The following PDE1C variants were observed in gnomAD, a reference collection of about 807,000 sequenced individuals.
PDE1C encodes phosphodiesterase 1C, also known as dual specificity calcium/calmodulin-dependent 3',5'-cyclic nucleotide phosphodiesterase 1C.
In PDE1C, 62 loss-of-function variants were observed where a neutral mutation model predicts 93.1. The ratio of observed to expected loss-of-function variants is 0.67; its 90% CI spans 0.54 to 0.82. PDE1C has a LOEUF of 0.82. Ranked by LOEUF, PDE1C falls within the 40% of genes least tolerant of loss-of-function variation. The pLI, the probability that PDE1C is intolerant of heterozygous loss-of-function variation, is 0.00. For synonymous variants in PDE1C, 325 were observed against 310.1 expected, an observed-to-expected ratio of 1.05 and a Z score of -0.50; for missense variants, 742 against 884.6, an observed-to-expected ratio of 0.84 and a Z score of 2.04.
intron 1 of PDE1C, among the ~76,000 whole-genome samples, chr7:32,239,408 C>A (rs1808380445): frequency 3.3e-5 from 5 of 151,982 alleles, no homozygotes; most frequent in Admixed American, 3.3e-4. Flanking sequence ...AAAAGAAAAT[C>A]CATAAACAAA....
At chr7:31,743,812 T>C in the PDE1C span, among the ~76,000 whole-genome samples, 2 of 152,134 alleles carry the variant, frequency 1.3e-5, no homozygotes, top group African/African-American at 4.8e-5. Flanking sequence ...AGTTCAGTAA[T>C]TTAATTGGAG....
chr7:32,098,633 T>G (rs1041239336), intron 3 of PDE1C, among the ~76,000 whole-genome samples: 1 of 152,244 alleles, frequency 6.6e-6, no homozygotes, highest in Non-Finnish European at 1.5e-5. Context: ...CTCTTTTTAC[T>G]TTATTACGTT....
intron 16 of PDE1C, chr7:31,789,034 C>T (rs962485371): frequency 3.3e-5 from 5 of 152,134 alleles, no homozygotes; most frequent in African/African-American, 1.2e-4. Flanking sequence ...AAACCTATTG[C>T]CTAGCTCTCT....
chr7:32,037,091 A>T (rs1205281866), intron 2 of PDE1C, among the ~76,000 whole-genome samples: 2 of 152,190 alleles, frequency 1.3e-5, no homozygotes, highest in Non-Finnish European at 2.9e-5. Flanking sequence ...GAGAAAATTT[A>T]AAAAGGGGGG....
At chr7:32,425,196 C>T (rs994638289) in intron 1 of PDE1C, among the ~76,000 whole-genome samples, 12 of 151,966 alleles carry the variant, frequency 7.9e-5, no homozygotes, top group African/African-American at 2.4e-4. Context: ...CTAGTTTACT[C>T]CCAGGTTCTC....
At chr7:32,007,332 C>T (rs1483842631) in intron 2 of PDE1C, among the ~76,000 whole-genome samples, 1 of 152,186 alleles carries the variant, frequency 6.6e-6, no homozygotes, top group Non-Finnish European at 1.5e-5. Flanking sequence ...AGCACGTCTA[C>T]CACACTGGCC....
At chr7:31,834,756 G>A (rs568676336) in intron 11 of PDE1C, among the ~76,000 whole-genome samples, 23 of 152,150 alleles carry the variant, frequency 1.5e-4, no homozygotes, top group African/African-American at 5.1e-4. Flanking sequence ...ACTTCGAACT[G>A]TGGACTTTTG....
chr7:31,794,671 A>T (rs1211959431), intron 16 of PDE1C, among the ~76,000 whole-genome samples: 2 of 152,012 alleles, frequency 1.3e-5, no homozygotes, highest in East Asian at 3.9e-4. Flanking sequence ...AAAGTCAGGC[A>T]TCAGTAACTC....
the PDE1C span, among the ~76,000 whole-genome samples, chr7:31,640,137 G>A: frequency 4.6e-5 from 7 of 152,244 alleles, no homozygotes; most frequent in African/African-American, 7.2e-5. Flanking sequence ...CCAGAGCAGC[G>A]GTCATTCTAA....
chr7:32,109,816 G>A (rs564790002), intron 3 of PDE1C, among the ~76,000 whole-genome samples: 1 of 152,000 alleles, frequency 6.6e-6, no homozygotes, highest in South Asian at 2.1e-4. Context: ...GGGCCTCTGA[G>A]GTGTCTTTAA....
intron 1 of PDE1C, among the ~76,000 whole-genome samples, chr7:32,226,459 G>T (rs1434238146): frequency 2.6e-5 from 4 of 152,306 alleles, no homozygotes; most frequent in Non-Finnish European, 5.9e-5. Context: ...CATCTTCAGG[G>T]TCTGTTTTTA....
chr7:31,722,950 C>G, the PDE1C span, among the ~76,000 whole-genome samples: 1 of 152,110 alleles, frequency 6.6e-6, no homozygotes, highest in Non-Finnish European at 1.5e-5. Context: ...TATCTTCATC[C>G]TTTTCTTGTG....
At chr7:31,626,422 A>G in the PDE1C span, among the ~76,000 whole-genome samples, 7 of 152,338 alleles carry the variant, frequency 4.6e-5, no homozygotes, top group East Asian at 1.3e-3. Context: ...AATTATCATA[A>G]TTAATCTGGT....
intron 3 of PDE1C, among the ~76,000 whole-genome samples, chr7:32,098,178 C>A (rs370947576): frequency 7.4e-6 from 1 of 135,264 alleles, no homozygotes; most frequent in Non-Finnish European, 1.5e-5. Context: ...TGCAGTGAGC[C>A]GAGATCGCGC....
intron 3 of PDE1C, among the ~76,000 whole-genome samples, chr7:32,113,720 T>C (rs1324254788): frequency 6.6e-6 from 1 of 152,062 alleles, no homozygotes; most frequent in Non-Finnish European, 1.5e-5. Context: ...AGATGGTATA[T>C]TTTCTGAGAA....
intron 1 of PDE1C, among the ~76,000 whole-genome samples, chr7:32,417,640 T>A (rs1465201356): frequency 6.7e-6 from 1 of 149,542 alleles, no homozygotes; most frequent in Admixed American, 6.7e-5. Context: ...AAAGTTCTAT[T>A]TTTTTTTTGG....
chr7:32,374,216 AAGG>A (rs1562695893), intron 1 of PDE1C, among the ~76,000 whole-genome samples: 11 of 137,862 alleles, frequency 8.0e-5, no homozygotes, highest in African/African-American at 2.0e-4. Context: ...GAGGGAAAGA[AAGG>A]GAAAGAAAGA....
In PDE1C at chr7:32,315,468, T is replaced by C. The variant is rs113421514; in HGVS notation, c.311-105929A>G. On this transcript the variant is annotated intron_variant, in intron 1 of 1. Transcript: ENST00000672256. ...TGATTATATTCCAGTGCTGGGATTA[T>C]AGGTTACTTGGTTTCCCAAAGCCAG... 3.1e-3 allele frequency among the ~76,000 whole-genome samples: 465 copies of C among 152,282 alleles called. 3 individuals carry two copies. The highest frequency in any genetic ancestry group is 0.011 in the African/African-American group (442 of 41,564).
intron 3 of PDE1C, among the ~76,000 whole-genome samples, chr7:32,118,760 C>T (rs558518112): frequency 6.6e-6 from 1 of 152,186 alleles, no homozygotes; most frequent in Non-Finnish European, 1.5e-5. Context: ...GTCTTCATGA[C>T]TTAATCACCT....
Sources: gnomAD v4.1 joint callset for allele counts (sites outside exome capture counted in the v4.1 genomes callset) on GRCh38, gnomAD v4.1.1 for gene constraint, MANE v1.5 for transcripts, NCBI Gene and HGNC (gene_info 2026-07-23, HGNC 2026-07-21) for gene names.